SMAP1: variants seen among roughly 807,000 people sequenced by gnomAD.
SMAP1 encodes the protein small ArfGAP 1.
A neutral mutation model predicts 58.5 loss-of-function variants in SMAP1; 24 were observed. The ratio of observed to expected loss-of-function variants is 0.41; its 90% CI spans 0.30 to 0.58. The LOEUF (loss-of-function observed/expected upper bound fraction) is 0.58, where lower values mean the gene tolerates loss of function less well. Among genes scored for constraint, SMAP1 ranks in the 20% least tolerant of loss-of-function variants. The pLI is 0.29. For synonymous variants in SMAP1, 216 were observed against 196.6 expected (o/e 1.10, Z -0.82); for missense variants, 563 against 566.3 (o/e 0.99, Z 0.06).
At chr6:70,763,107 T>TTTTTG (rs1491524298) in intron 3 of SMAP1, among the ~76,000 whole-genome samples, 1 of 26,514 alleles carries the variant, frequency 3.8e-5, no homozygotes, top group Non-Finnish European at 6.7e-5. Context: ...CAGATATTAC[T>TTTTTG]TTTTTTTTTT....
intron 3 of SMAP1, among the ~76,000 whole-genome samples, chr6:70,770,744 C>T (rs1033064118): frequency 2.6e-5 from 4 of 152,186 alleles, no homozygotes; most frequent in African/African-American, 9.7e-5. Flanking sequence ...CTTTTTCTCT[C>T]AACTTGTCAA....
chr6:70,797,338 A>G (rs1475115340), intron 5 of SMAP1, among the ~76,000 whole-genome samples: 1 of 152,070 alleles, frequency 6.6e-6, no homozygotes, highest in Non-Finnish European at 1.5e-5. Flanking sequence ...CATTAAATAT[A>G]TATCTGGTTT....
At chr6:70,831,223 T>G (rs912807370) in intron 6 of SMAP1, among the ~76,000 whole-genome samples, 3 of 152,166 alleles carry the variant, frequency 2.0e-5, no homozygotes, top group African/African-American at 4.8e-5. Context: ...CTAGCAGTGG[T>G]CATGATATAA....
chr6:70,757,642 G>A (rs981024911), intron 3 of SMAP1, among the ~76,000 whole-genome samples: 1 of 151,826 alleles, frequency 6.6e-6, no homozygotes, highest in African/African-American at 2.4e-5. Context: ...CTAATATCCA[G>A]AATCTACAAT....
intron 2 of SMAP1, among the ~76,000 whole-genome samples, chr6:70,741,233 C>T (rs1765802524): frequency 6.6e-6 from 1 of 152,102 alleles, no homozygotes; most frequent in South Asian, 2.1e-4. Context: ...AAGTCTCATC[C>T]AAGACAAGGC....
intron 6 of SMAP1, among the ~76,000 whole-genome samples, chr6:70,806,358 T>TG (rs1007781236): frequency 6.6e-6 from 1 of 152,210 alleles, no homozygotes; most frequent in Non-Finnish European, 1.5e-5. Flanking sequence ...GCTAAGACCT[T>TG]GGGGAAAATA....
chr6:70,767,662 G>A (rs1159680772), intron 3 of SMAP1, among the ~76,000 whole-genome samples: 1 of 149,528 alleles, frequency 6.7e-6, no homozygotes, highest in South Asian at 2.2e-4. Flanking sequence ...GAGACGATGG[G>A]GTTTTCTAGA....
At chr6:70,694,873 CA>C (rs1767333140) in intron 1 of SMAP1, among the ~76,000 whole-genome samples, 2 of 152,094 alleles carry the variant, frequency 1.3e-5, no homozygotes, top group Admixed American at 6.5e-5. Flanking sequence ...GTCTTAGGAT[CA>C]AAGGTATAAT....
intron 1 of SMAP1, among the ~76,000 whole-genome samples, chr6:70,716,926 T>G (rs2149842903): frequency 6.6e-6 from 1 of 152,306 alleles, no homozygotes; most frequent in South Asian, 2.1e-4. Context: ...GCCCTCACTC[T>G]TGGTTTGGCT....
Position 70,833,052 on chromosome 6 carries a change from G to A in SMAP1, c.577-3889G>A, listed in dbSNP as rs139830105. Among the ~76,000 whole-genome samples, 5 of 152,230 alleles carry A rather than the reference G, an allele frequency of 3.3e-5. No individual in the cohort carries two copies. The East Asian group carries it at 5.8e-4, about 18-fold the overall frequency. ...AAATAAGAAATAACTTTCAGTTTTT[G>A]TTGAAGTCTTTCAAGAAAACTGTAT... On this transcript the variant is annotated intron_variant, in intron 6 of 10. Transcript: ENST00000370455.
At chr6:70,837,079 C>A (rs1390957065) in intron 7 of SMAP1, 51 bp downstream of exon 7, 2 of 1,352,002 alleles carry the variant, frequency 1.5e-6, no homozygotes, top group Non-Finnish European at 1.0e-6. Flanking sequence ...ACAATTGAAA[C>A]CTTTACTTGG....
chr6:70,712,638 TTC>T (rs766616266), intron 1 of SMAP1, among the ~76,000 whole-genome samples: 25 of 152,178 alleles, frequency 1.6e-4, no homozygotes, highest in Non-Finnish European at 3.2e-4. Context: ...GTTGAGGAAA[TTC>T]TGTTTCTTCT....
At chr6:70,828,741 G>A (rs956392997) in intron 6 of SMAP1, among the ~76,000 whole-genome samples, 3 of 152,194 alleles carry the variant, frequency 2.0e-5, no homozygotes, top group African/African-American at 4.8e-5. Flanking sequence ...TCAGATACAA[G>A]CACCATCTAG....
chr6:70,765,320 A>G (rs1288206123), intron 3 of SMAP1, among the ~76,000 whole-genome samples: 2 of 152,176 alleles, frequency 1.3e-5, no homozygotes, highest in Admixed American at 6.5e-5. Flanking sequence ...GTTTTACCCT[A>G]GGCTAGTTGA....
rs748807136 is a variant in SMAP1 at position 70,668,080 on chromosome 6, C to G, written c.57C>G (p.Leu19=). ...KAQKLNEQHQ[L]ILSKLLREED... Reference sequence around the variant, plus strand: ...AGAAGCTGAACGAGCAGCACCAGCTCATCCTATCCAAGCTTCTGAGGGAGG... The same window carrying G: ...AGAAGCTGAACGAGCAGCACCAGCTGATCCTATCCAAGCTTCTGAGGGAGG... The change falls in exon 1 of 11, where the codon CTC becomes CTG. Residue 19 remains leucine, a synonymous_variant. Transcript: ENST00000370455. The G allele has an allele frequency of 1.9e-6, 3 of 1,606,098 alleles. No individual in the cohort carries two copies. Among genetic ancestry groups the G allele is most frequent in the Non-Finnish European group, 2.5e-6 (3 of 1,176,894 alleles).
chr6:70,830,963 CTACAGATACTG>C (rs1397515390), intron 6 of SMAP1, among the ~76,000 whole-genome samples: 1 of 152,170 alleles, frequency 6.6e-6, no homozygotes, highest in Non-Finnish European at 1.5e-5. Flanking sequence ...TGCCTTGTTG[CTACAGATACTG>C]TAATGAGGGA....
chr6:70,685,092 G>C (rs1766879944), intron 1 of SMAP1, among the ~76,000 whole-genome samples: 1 of 152,000 alleles, frequency 6.6e-6, no homozygotes, highest in Non-Finnish European at 1.5e-5. Flanking sequence ...GTAAGGGTTT[G>C]ATAAATGAGT....
chr6:70,771,040 A>G (rs1057086779), intron 3 of SMAP1, among the ~76,000 whole-genome samples: 2 of 152,132 alleles, frequency 1.3e-5, no homozygotes, highest in Non-Finnish European at 2.9e-5. Flanking sequence ...CCTGGGTACC[A>G]GCAGTGGTGG....
At chr6:70,846,592 G>A (rs573522185) in intron 7 of SMAP1, among the ~76,000 whole-genome samples, 1 of 152,320 alleles carries the variant, frequency 6.6e-6, no homozygotes, top group South Asian at 2.1e-4. Context: ...AGGCCTGACT[G>A]ACCCGCTGTG....
Sources: gnomAD v4.1 joint callset for allele counts (sites outside exome capture counted in the v4.1 genomes callset) on GRCh38, gnomAD v4.1.1 for gene constraint, MANE v1.5 for transcripts, NCBI Gene and HGNC (gene_info 2026-07-23, HGNC 2026-07-21) for gene names.